Variants in KIF1B observed in about 807,000 individuals in gnomAD.
The protein encoded by KIF1B is kinesin-like protein KIF1B.
In KIF1B, 76 loss-of-function variants were observed where a neutral mutation model predicts 241.9. The ratio of observed to expected loss-of-function variants is 0.31; its 90% CI spans 0.26 to 0.38. KIF1B has a LOEUF of 0.38. KIF1B is among the 10% of genes least tolerant of loss of function. The probability of loss-of-function intolerance (pLI) is 1.00; values close to 1 mark genes in which losing one functional copy is unlikely to be tolerated. For missense variants in KIF1B, 1,622 were observed against 2,271.4 expected (o/e 0.71, Z 5.81); for synonymous variants, 750 against 796.7 (o/e 0.94, Z 0.99).
At chr1:10,244,514 C>T (rs1396208665) in intron 2 of KIF1B, among the ~76,000 whole-genome samples, 1 of 151,914 alleles carries the variant, frequency 6.6e-6, no homozygotes, top group East Asian at 1.9e-4. Flanking sequence ...AGGGTTTCCC[C>T]ATCTTGAGGC....
chr1:10,319,457 A>T (rs2102293417), intron 22 of KIF1B, among the ~76,000 whole-genome samples: 1 of 152,314 alleles, frequency 6.6e-6, no homozygotes, highest in South Asian at 2.1e-4. Flanking sequence ...GAATAACTAA[A>T]TGCAGTCTAT....
chr1:10,238,279 G>T (rs2102142479), intron 2 of KIF1B, among the ~76,000 whole-genome samples: 1 of 151,206 alleles, frequency 6.6e-6, no homozygotes, highest in South Asian at 2.1e-4. Flanking sequence ...TAATGGGGAG[G>T]CTGAGGCAGG....
chr1:10,320,239 C>T, intron 23 of KIF1B, 103 bp downstream of exon 23: 1 of 756,300 alleles, frequency 1.3e-6, no homozygotes, highest in African/African-American at 1.7e-5. Context: ...CTTAGTTGGC[C>T]CTATCATTTA....
intron 2 of KIF1B, among the ~76,000 whole-genome samples, chr1:10,253,099 T>G (rs1328823266): frequency 1.3e-5 from 2 of 152,156 alleles, no homozygotes; most frequent in African/African-American, 4.8e-5. Context: ...TGTGCACATG[T>G]ATTTCCATGA....
intron 28 of KIF1B, 93 bp from the exon 29 acceptor site, chr1:10,336,564 A>G: frequency 1.0e-6 from 1 of 988,726 alleles, no homozygotes. Context: ...CTCTCATGCC[A>G]AAGACTTGAG....
chr1:10,271,447 C>G, intron 7 of KIF1B, 55 bp from the exon 8 acceptor site: 1 of 1,255,538 alleles, frequency 8.0e-7, no homozygotes, highest in Non-Finnish European at 1.2e-6. Flanking sequence ...CTAAATATTT[C>G]CTGCTTCTAT....
chr1:10,327,779 A>T (rs57200871), intron 27 of KIF1B, among the ~76,000 whole-genome samples: 1,798 of 152,344 alleles, frequency 0.012, 35 homozygotes, highest in African/African-American at 0.04. Context: ...TTTAAATTTA[A>T]TGGTACATTA....
intron 1 of KIF1B, among the ~76,000 whole-genome samples, chr1:10,230,363 TA>T (rs1557651325): frequency 1.3e-5 from 2 of 151,864 alleles, no homozygotes; most frequent in East Asian, 3.9e-4. Flanking sequence ...TTTGTTTGGT[TA>T]TTCTTGAAAA....
chr1:10,228,605 G>A (rs1646940414), intron 1 of KIF1B, among the ~76,000 whole-genome samples: 1 of 152,048 alleles, frequency 6.6e-6, no homozygotes, highest in Admixed American at 6.6e-5. Context: ...TCCATATCTG[G>A]GGCCTATCTA....
chr1:10,277,391 G>A (rs1193654366), intron 12 of KIF1B, among the ~76,000 whole-genome samples: 1 of 152,192 alleles, frequency 6.6e-6, no homozygotes, highest in Non-Finnish European at 1.5e-5. Context: ...CTGGAGTGCA[G>A]TGGCAAGATT....
intron 1 of KIF1B, chr1:10,211,884 A>G (rs1646697984): frequency 6.6e-6 from 1 of 152,122 alleles, no homozygotes; most frequent in Non-Finnish European, 1.5e-5. Flanking sequence ...AGGCCACTGT[A>G]TCAGTATGGA....
At chr1:10,319,507 A>T (rs1651442228) in intron 22 of KIF1B, among the ~76,000 whole-genome samples, 1 of 152,196 alleles carries the variant, frequency 6.6e-6, no homozygotes, top group Non-Finnish European at 1.5e-5. Context: ...GCTTTTGGTT[A>T]CCTGAAGGCT....
chr1:10,246,201 G>A (rs1479880637), intron 2 of KIF1B, among the ~76,000 whole-genome samples: 1 of 152,182 alleles, frequency 6.6e-6, no homozygotes, highest in Non-Finnish European at 1.5e-5. Flanking sequence ...ACCACCCAGA[G>A]TGGCTCCTCC....
chr1:10,381,289 G>A lies in KIF1B; in HGVS notation c.*4702G>A, dbSNP rs201041463. The A allele has an allele frequency of 8.8e-6, 2 of 226,186 alleles. No homozygotes were observed. The highest frequency in any genetic ancestry group is 1.3e-4 in the East Asian group (2 of 15,576). The allele number at this position is 226,186 out of a possible 1,614,324, so 14.0% of individuals were successfully genotyped here. ...CACACATGACAACAAAACCCATAAT[G>A]CATAAGTGGCCTTTTTGAACCAAGA... On this transcript the variant is annotated 3_prime_UTR_variant, in exon 49 of 49. Transcript: ENST00000676179.
intron 43 of KIF1B, among the ~76,000 whole-genome samples, chr1:10,367,310 G>A (rs188510099): frequency 2.6e-3 from 395 of 151,466 alleles, no homozygotes; most frequent in African/African-American, 8.8e-3. Context: ...TGGCCAGGCT[G>A]GTCTTGAACT....
rs1380703846 is a variant in KIF1B, at chr1:10,379,795, C to G, written c.*3208C>G. The G allele has an allele frequency of 2.6e-5, 6 of 230,442 alleles. No homozygotes were observed. The highest frequency in any genetic ancestry group is 5.2e-5 in the Non-Finnish European group (6 of 116,386). The allele number at this position is 230,442 out of a possible 1,614,324, so 14.3% of individuals were successfully genotyped here. Reference sequence around the variant, plus strand: ...CCCCAAATCAGTGCTCAGACCCTCTCTGTGTCTGTGTGCCCTCCTGGGAGT... The same window carrying G: ...CCCCAAATCAGTGCTCAGACCCTCTGTGTGTCTGTGTGCCCTCCTGGGAGT... On this transcript the variant is annotated 3_prime_UTR_variant, in exon 49 of 49. Transcript: ENST00000676179.
At chr1:10,316,583 C>T (rs529552529) in intron 22 of KIF1B, among the ~76,000 whole-genome samples, 1 of 151,344 alleles carries the variant, frequency 6.6e-6, no homozygotes, top group South Asian at 2.1e-4. Context: ...TCACTGCACC[C>T]TCCGCCTCCC....
At chr1:10,259,194 A>T in intron 4 of KIF1B, among the ~76,000 whole-genome samples, 2 of 140,772 alleles carry the variant, frequency 1.4e-5, no homozygotes, top group Admixed American at 7.1e-5. Context: ...ATTGGGTTTG[A>T]TCCTTTATTG....
At chr1:10,293,086 C>CTT (rs33954582) in intron 17 of KIF1B, among the ~76,000 whole-genome samples, 1,593 of 144,820 alleles carry the variant, frequency 0.011, 20 homozygotes, top group African/African-American at 0.035. Flanking sequence ...GGCCACATAA[C>CTT]TTTTTTTTTT....
Sources: gnomAD v4.1 joint callset for allele counts (sites outside exome capture counted in the v4.1 genomes callset) on GRCh38, gnomAD v4.1.1 for gene constraint, MANE v1.5 for transcripts, NCBI Gene and HGNC (gene_info 2026-07-23, HGNC 2026-07-21) for gene names.